Variants in CSMD3 observed in about 807,000 individuals in gnomAD.
CSMD3 encodes the protein CUB and sushi domain-containing protein 3.
Under a neutral mutation model 435.2 loss-of-function variants are expected in CSMD3, and 177 were observed. That is an observed-to-expected ratio of 0.41 (90% CI 0.36 to 0.46). CSMD3 has a LOEUF of 0.46. CSMD3 is among the 20% of genes least tolerant of loss of function. The pLI, the probability that CSMD3 is intolerant of heterozygous loss-of-function variation, is 0.34. For synonymous variants in CSMD3, 1,656 were observed against 1,520.5 expected (o/e 1.09, Z -2.07); for missense variants, 4,265 against 4,504.6 (o/e 0.95, Z 1.52).
chr8:112,248,537 C>T (rs1814970160), intron 63 of CSMD3, among the ~76,000 whole-genome samples: 1 of 152,104 alleles, frequency 6.6e-6, no homozygotes, highest in African/African-American at 2.4e-5. Context: ...GGGTCTGCCA[C>T]TTTGTACTTC....
In CSMD3 at chr8:112,246,890, TATA is replaced by T. The variant is rs1814787234; in HGVS notation, c.10222+127_10222+129del. ...TGATACAGTAATAAAATTATATGCA[TATA>T]ATATGTTTTATAATCTAAAAGTCAA... On this transcript the variant is annotated intron_variant, in intron 64 of 70. Transcript: ENST00000297405. 2.7e-4 allele frequency: 199 copies of T among 725,222 alleles called. 2 individuals are homozygous for T. The South Asian group carries it at 3.0e-3, about 11-fold the overall frequency. 44.9% of individuals were successfully genotyped at this position (725,222 alleles called of 1,614,324 possible). A position where few individuals can be genotyped will look rare whatever the true frequency, so the allele number is the denominator to read the frequency against.
chr8:112,464,099 G>C (rs557249953), intron 32 of CSMD3, among the ~76,000 whole-genome samples: 12 of 152,120 alleles, frequency 7.9e-5, no homozygotes, highest in African/African-American at 2.4e-4. Flanking sequence ...TTAGGTGGGC[G>C]TGGTGGCAGG....
chr8:113,322,033 C>T (rs1372645955), intron 1 of CSMD3, among the ~76,000 whole-genome samples: 7 of 151,982 alleles, frequency 4.6e-5, no homozygotes, highest in African/African-American at 1.7e-4. Flanking sequence ...AAAATGTGCA[C>T]CAAATTAATG....
chr8:112,713,644 A>C (rs2076659320), intron 13 of CSMD3, among the ~76,000 whole-genome samples: 1 of 152,154 alleles, frequency 6.6e-6, no homozygotes, highest in Admixed American at 6.5e-5. Context: ...GGTTGAAATA[A>C]AGGAAAAAAT....
intron 6 of CSMD3, among the ~76,000 whole-genome samples, chr8:113,017,134 C>A (rs899994420): frequency 6.6e-6 from 1 of 151,922 alleles, no homozygotes; most frequent in Non-Finnish European, 1.5e-5. Flanking sequence ...AGTCCCTTTT[C>A]CTGCAGCAAA....
At chr8:112,950,383 A>G (rs1192633546) in intron 8 of CSMD3, among the ~76,000 whole-genome samples, 1 of 151,956 alleles carries the variant, frequency 6.6e-6, no homozygotes, top group Non-Finnish European at 1.5e-5. Flanking sequence ...ACTTAAGCCT[A>G]ACTACTTTTT....
chr8:113,236,171 A>G (rs2132217284), intron 3 of CSMD3, among the ~76,000 whole-genome samples: 1 of 152,300 alleles, frequency 6.6e-6, no homozygotes, highest in African/African-American at 2.4e-5. Context: ...TACATGTTAG[A>G]GCATGTAGAT....
At chr8:112,392,587 C>T (rs1830512202) in intron 35 of CSMD3, among the ~76,000 whole-genome samples, 1 of 151,166 alleles carries the variant, frequency 6.6e-6, no homozygotes, top group Admixed American at 6.6e-5. Flanking sequence ...AAGTGTTGAT[C>T]CTGCTGATGA....
intron 3 of CSMD3, among the ~76,000 whole-genome samples, chr8:113,264,676 A>G (rs2093453863): frequency 1.3e-5 from 2 of 151,602 alleles, no homozygotes; most frequent in Admixed American, 6.6e-5. Flanking sequence ...AAACAAAGAA[A>G]TATTCATTAA....
At chr8:112,354,982 A>T (rs1826456651) in intron 38 of CSMD3, among the ~76,000 whole-genome samples, 1 of 152,232 alleles carries the variant, frequency 6.6e-6, no homozygotes, top group African/African-American at 2.4e-5. Context: ...CCAAAACAGC[A>T]TGGTACTGGT....
intron 11 of CSMD3, among the ~76,000 whole-genome samples, chr8:112,838,940 A>G (rs2080103948): frequency 6.6e-6 from 1 of 151,802 alleles, no homozygotes; most frequent in Admixed American, 6.6e-5. Flanking sequence ...AGAATTCCTT[A>G]TTTATTCATT....
At chr8:112,610,877 TA>T (rs1295490631) in intron 22 of CSMD3, among the ~76,000 whole-genome samples, 2 of 152,162 alleles carry the variant, frequency 1.3e-5, no homozygotes, top group Non-Finnish European at 2.9e-5. Context: ...GCCAATGTAT[TA>T]AATATCACTA....
intron 2 of CSMD3, among the ~76,000 whole-genome samples, chr8:113,306,313 G>A (rs1446496928): frequency 6.6e-6 from 1 of 152,078 alleles, no homozygotes; most frequent in African/African-American, 2.4e-5. Flanking sequence ...TTCCAACTCT[G>A]AAGGGAGAAA....
intron 23 of CSMD3, among the ~76,000 whole-genome samples, chr8:112,576,194 T>A (rs977503410): frequency 6.6e-6 from 1 of 152,040 alleles, no homozygotes; most frequent in African/African-American, 2.4e-5. Flanking sequence ...ACTGGGGAAA[T>A]AAAAATTGGA....
chr8:112,277,247 T>A, intron 59 of CSMD3, among the ~76,000 whole-genome samples: 1 of 152,164 alleles, frequency 6.6e-6, no homozygotes, highest in East Asian at 1.9e-4. Context: ...CCTGAATGCT[T>A]TGCTGCTTAG....
intron 37 of CSMD3, among the ~76,000 whole-genome samples, chr8:112,382,247 GC>G (rs1393756496): frequency 1.4e-5 from 2 of 145,030 alleles, no homozygotes; most frequent in African/African-American, 2.5e-5. Context: ...TTGCACCACT[GC>G]ACCAAAGTCT....
At chr8:113,333,676 A>T (rs2094046051) in intron 1 of CSMD3, among the ~76,000 whole-genome samples, 1 of 151,918 alleles carries the variant, frequency 6.6e-6, no homozygotes, top group Admixed American at 6.6e-5. Flanking sequence ...GATTATTGTA[A>T]CTACATAATA....
Position 112,915,623 on chromosome 8 carries a change from CAAAT to C in CSMD3, c.1633+6000_1633+6003del, listed in dbSNP as rs72370931. Among the ~76,000 whole-genome samples, 1,306 of 151,600 alleles carry C rather than the reference CAAAT, an allele frequency of 8.6e-3. 23 individuals carry two copies. The highest frequency in any genetic ancestry group is 0.03 in the African/African-American group (1,248 of 41,420). On this transcript the variant is annotated intron_variant, in intron 10 of 70. Coordinates refer to ENST00000297405, the MANE Select transcript of CSMD3 (RefSeq NM_198123.2). ...ACTTCATAATAAAAATGCATGAAGA[CAAAT>C]AATCTTTTACCTATATACAAAGGTA...
chr8:113,184,794 A>T (rs1031925830), intron 3 of CSMD3, among the ~76,000 whole-genome samples: 12 of 152,018 alleles, frequency 7.9e-5, no homozygotes, highest in African/African-American at 2.4e-4. Flanking sequence ...ACCCTGTCAG[A>T]CATCTGGCAT....
Sources: gnomAD v4.1 joint callset for allele counts (sites outside exome capture counted in the v4.1 genomes callset) on GRCh38, gnomAD v4.1.1 for gene constraint, MANE v1.5 for transcripts, NCBI Gene and HGNC (gene_info 2026-07-23, HGNC 2026-07-21) for gene names.